Variants in PZP observed in about 807,000 individuals in gnomAD.
PZP encodes pregnancy zone protein.
In PZP, 150 loss-of-function variants were observed where a neutral mutation model predicts 179.8. The ratio of observed to expected loss-of-function variants is 0.83; its 90% confidence interval spans 0.73 to 0.96. The LOEUF is 0.96. Among genes scored for constraint, PZP ranks in the 40% least tolerant of loss-of-function variants. The pLI, the probability that PZP is intolerant of heterozygous loss-of-function variation, is 0.00. For missense variants in PZP, 1,689 were observed against 1,764.0 expected, an observed-to-expected ratio of 0.96 and a Z score of 0.76; for synonymous variants, 624 against 652.3, an observed-to-expected ratio of 0.96 and a Z score of 0.66.
In PZP at chr12:9,197,231, T is replaced by A. The variant is rs992779985; in HGVS notation, c.756-108A>T. 1.8e-5 allele frequency: 13 copies of A among 707,978 alleles called. No individual in the cohort carries two copies. The South Asian group carries it at 2.0e-4, about 11-fold the overall frequency. 43.9% of individuals were successfully genotyped at this position (707,978 alleles called of 1,614,324 possible). A position where few individuals can be genotyped will look rare whatever the true frequency, so the allele number is the denominator to read the frequency against. ...TAGAGTTGCCTACACATCTTTATCA[T>A]CTGGGTGCCCACCAAGTAGAAAGCT... On this transcript the variant is annotated intron_variant, in intron 7 of 35. Coordinates refer to ENST00000261336, the MANE Select transcript of PZP (RefSeq NM_002864.3).
At chr12:9,199,091 A>G (rs927229987) in intron 7 of PZP, among the ~76,000 whole-genome samples, 1 of 152,218 alleles carries the variant, frequency 6.6e-6, no homozygotes, top group African/African-American at 2.4e-5. Flanking sequence ...ACTGCTTAAG[A>G]GATGGAGGCA....
At chr12:9,165,487 T>A (rs1941520217) in intron 18 of PZP, 120 bp from the exon 19 acceptor site, 2 of 1,080,374 alleles carry the variant, frequency 1.9e-6, no homozygotes, top group South Asian at 3.2e-5. Context: ...TATATGCGAG[T>A]GTGCATTCGT....
intron 1 of PZP, among the ~76,000 whole-genome samples, chr12:9,204,577 A>G (rs1944354903): frequency 6.6e-6 from 1 of 152,186 alleles, no homozygotes; most frequent in African/African-American, 2.4e-5. Flanking sequence ...AGTCAAAGTC[A>G]ATATTTTATC....
chr12:9,152,759 T>C, intron 31 of PZP, 65 bp downstream of exon 31: 1 of 1,534,610 alleles, frequency 6.5e-7, no homozygotes, highest in Non-Finnish European at 8.9e-7. Context: ...AAATGGACTA[T>C]TAATTTCTGT....
the PZP span, among the ~76,000 whole-genome samples, chr12:9,143,078 G>A: frequency 0.81 from 123,854 of 152,208 alleles, 50,753 homozygotes; most frequent in African/African-American, 0.84. Flanking sequence ...ATCGATTTTA[G>A]TTAAGCTGAG....
chr12:9,147,645 G>A (rs771657507), downstream of PZP, among the ~76,000 whole-genome samples: 7 of 152,036 alleles, frequency 4.6e-5, no homozygotes, highest in African/African-American at 9.7e-5. Flanking sequence ...GGAAGACCAG[G>A]GTTTCCTACT....
intron 12 of PZP, 57 bp downstream of exon 12, chr12:9,192,455 T>G: frequency 6.7e-7 from 1 of 1,499,362 alleles, no homozygotes; most frequent in East Asian, 2.3e-5. Context: ...CCTGAGCCTA[T>G]TGACCACTTT....
intron 8 of PZP, 94 bp from the exon 9 acceptor site, chr12:9,196,779 T>G: frequency 8.9e-7 from 1 of 1,126,688 alleles, no homozygotes; most frequent in Non-Finnish European, 1.3e-6. Context: ...GAAAACTTTT[T>G]TTTTGCATTA....
At chr12:9,185,795 T>TTTTC (rs1943066716) in intron 13 of PZP, among the ~76,000 whole-genome samples, 1 of 146,236 alleles carries the variant, frequency 6.8e-6, no homozygotes, top group East Asian at 2.0e-4. Flanking sequence ...TCAACATTTC[T>TTTTC]TTTCTTTTCT....
chr12:9,194,657 G>T (rs1943660625), intron 10 of PZP, among the ~76,000 whole-genome samples: 2 of 151,882 alleles, frequency 1.3e-5, no homozygotes, highest in Admixed American at 1.3e-4. Flanking sequence ...GTAGAGACGG[G>T]GTTTCACCAT....
At position 9,203,517 on chromosome 12, in the gene PZP, A is replaced by G. The variant is rs1431839277; in HGVS notation, c.267+251T>C. On this transcript the variant is annotated intron_variant, in intron 2 of 35. Coordinates refer to ENST00000261336, the MANE Select transcript of PZP (RefSeq NM_002864.3). ...CCACTACGCCCGGCTAATTTTTTGT[A>G]TTTTTGGTAGAGACGGGGTTTCATC... 2.6e-5 allele frequency among the ~76,000 whole-genome samples: 4 copies of G among 151,494 alleles called. No individual in the cohort carries two copies. The East Asian group carries it at 5.8e-4, about 22-fold the overall frequency.
intron 34 of PZP, 97 bp from the exon 35 acceptor site, chr12:9,149,699 G>T: frequency 1.7e-6 from 2 of 1,149,740 alleles, no homozygotes; most frequent in Non-Finnish European, 2.5e-6. Context: ...AGAAAAGCAC[G>T]CCCTATCAGA....
At chr12:9,162,910 T>G (rs1400419123) in intron 21 of PZP, among the ~76,000 whole-genome samples, 2 of 152,194 alleles carry the variant, frequency 1.3e-5, no homozygotes, top group Non-Finnish European at 2.9e-5. Flanking sequence ...CTAGCTATTC[T>G]TCCTGATGCT....
chr12:9,195,784 G>A (rs947874450), intron 10 of PZP, among the ~76,000 whole-genome samples: 1 of 151,010 alleles, frequency 6.6e-6, no homozygotes, highest in African/African-American at 2.4e-5. Context: ...TATAAAACAG[G>A]TAAAATTAAT....
chr12:9,202,172 A>G (rs1313242182), intron 4 of PZP, 147 bp downstream of exon 4: 2 of 705,046 alleles, frequency 2.8e-6, no homozygotes, highest in Non-Finnish European at 2.4e-6. Context: ...TTTGTTTTGT[A>G]TAAGACTGCA....
At chr12:9,154,115 G>A (rs756497304) in intron 29 of PZP, among the ~76,000 whole-genome samples, 1 of 152,214 alleles carries the variant, frequency 6.6e-6, no homozygotes, top group Non-Finnish European at 1.5e-5. Flanking sequence ...CACATTTTTT[G>A]GGGAATACAT....
chr12:9,180,883 A>G, intron 15 of PZP, 100 bp downstream of exon 15: 1 of 1,360,328 alleles, frequency 7.4e-7, no homozygotes, highest in Non-Finnish European at 9.7e-7. Context: ...ATGGGAGAAA[A>G]TTTTCGCAAC....
At chr12:9,207,032 C>T (rs759259225) in intron 1 of PZP, among the ~76,000 whole-genome samples, 4 of 152,110 alleles carry the variant, frequency 2.6e-5, no homozygotes, top group Non-Finnish European at 5.9e-5. Flanking sequence ...GAGAAATGTA[C>T]CCCTACCGGT....
chr12:9,183,539 A>G (rs1192951908), intron 13 of PZP, among the ~76,000 whole-genome samples: 1 of 152,154 alleles, frequency 6.6e-6, no homozygotes, highest in Admixed American at 6.5e-5. Context: ...AGCTGGGACT[A>G]TAGGTGCACA....
Sources: allele counts gnomAD v4.1 joint callset (sites outside exome capture counted in the v4.1 genomes callset), GRCh38; gene constraint gnomAD v4.1.1; transcripts MANE v1.5; gene names NCBI Gene and HGNC (gene_info 2026-07-23, HGNC 2026-07-21).